BLOC1S3: variants seen among roughly 807,000 people sequenced by gnomAD.
The protein encoded by BLOC1S3 is biogenesis of lysosome-related organelles complex 1 subunit 3.
BLOC1S3 carries 7 observed loss-of-function variants against 9.1 expected under a neutral mutation model. That is an observed-to-expected ratio of 0.77 (90% CI 0.44 to 1.45). BLOC1S3 has a LOEUF of 1.45. BLOC1S3 is among the 40% of genes most tolerant of loss of function. The pLI, the probability that BLOC1S3 is intolerant of heterozygous loss-of-function variation, is 0.01. For missense variants in BLOC1S3, 307 were observed against 315.2 expected (o/e 0.97, Z 0.20); for synonymous variants, 145 against 158.4 (o/e 0.92, Z 0.64).
intron 2 of BLOC1S3, among the ~76,000 whole-genome samples, chr19:45,191,131 A>T (rs1206604959): frequency 5.6e-5 from 7 of 124,924 alleles, no homozygotes; most frequent in South Asian, 2.5e-4. Flanking sequence ...TTATTTTTTT[A>T]TTTTTTTTGA....
rs1969477022 is a variant in BLOC1S3, at chr19:45,179,514, C to T, written c.218C>T (p.Pro73Leu). Residue 73 changes from proline (P) to leucine (L), a missense_variant, in exon 2 of 2, where the codon CCG becomes CTG. By Grantham distance (98) the Pro-to-Leu change is moderately conservative (BLOSUM62 -3). Transcript: ENST00000433642. The surrounding 1 kb of genome is among the most constrained non-coding windows in gnomAD (Gnocchi z 4.6). ...TCGGAGCCGGAGCCGGAGCCGGAAC[C>T]GACGGCCGCGCCGAGGGACCTGCCT... ...TDSEPEPEPE[P>L]TAAPRDLPPL... 2 of 1,523,284 alleles carry T rather than the reference C, an allele frequency of 1.3e-6. No individual in the cohort carries two copies. The highest frequency in any genetic ancestry group is 1.2e-5 in the South Asian group (1 of 82,732). 94.4% of individuals were successfully genotyped at this position (1,523,284 alleles called of 1,614,324 possible).
At chr19:45,195,205 G>A (rs547841177) in intron 2 of BLOC1S3, among the ~76,000 whole-genome samples, 15 of 151,368 alleles carry the variant, frequency 9.9e-5, no homozygotes, top group African/African-American at 3.6e-4. Flanking sequence ...CACCGCGCCT[G>A]GCCAATTTTT....
rs749060610 is a variant in BLOC1S3, at chr19:45,213,145, C to T, written n.283-3531C>T. 26 of 1,584,954 alleles carry T rather than the reference C, an allele frequency of 1.6e-5. No homozygotes were observed. The South Asian group carries it at 1.9e-4, about 12-fold the overall frequency. On this transcript the variant is annotated intron_variant and non_coding_transcript_variant, in intron 3 of 3. Coordinates refer to the BLOC1S3 transcript ENST00000591569. ...ACAGGCCAAACTGGGCCTGGCCAGC[C>T]GGGAGAGGGGGAGGCGGCCCAGGAA...
At position 45,196,172 on chromosome 19, in the gene BLOC1S3, T is replaced by G. The variant is rs138184250; in HGVS notation, n.181-6234T>G. Among the ~76,000 whole-genome samples, 248 of 152,192 alleles carry G rather than the reference T, an allele frequency of 1.6e-3. 1 individual carries two copies. Among genetic ancestry groups the G allele is most frequent in the African/African-American group, 5.8e-3 (241 of 41,564 alleles). ...AGGGTGAGTACATTTTAAATTCTGT[T>G]AGGTGCTACTTTATTTTTTAATTTT... On this transcript the variant is annotated intron_variant and non_coding_transcript_variant, in intron 2 of 3. Transcript: ENST00000591569.
chr19:45,188,140 G>C (rs1290520202), intron 2 of BLOC1S3, among the ~76,000 whole-genome samples: 1 of 151,456 alleles, frequency 6.6e-6, no homozygotes, highest in Admixed American at 6.6e-5. Context: ...CTCCTGCCTC[G>C]GCCTCCCGAG....
At chr19:45,213,562 T>G (rs1200386727) in intron 3 of BLOC1S3, among the ~76,000 whole-genome samples, 2 of 151,858 alleles carry the variant, frequency 1.3e-5, no homozygotes, top group East Asian at 3.9e-4. Context: ...GAACTTCACT[T>G]CCAACCATCT....
At chr19:45,196,578 G>A (rs984186479) in intron 2 of BLOC1S3, among the ~76,000 whole-genome samples, 1 of 152,036 alleles carries the variant, frequency 6.6e-6, no homozygotes, top group Non-Finnish European at 1.5e-5. Flanking sequence ...GGGTCTTTGG[G>A]TAAGTGAGAG....
downstream of BLOC1S3, among the ~76,000 whole-genome samples, chr19:45,183,963 A>G (rs1969547565): frequency 1.3e-5 from 2 of 152,062 alleles, no homozygotes; most frequent in Non-Finnish European, 2.9e-5. Context: ...GAGTTTAGCG[A>G]GAGTCCCTGA....
downstream of BLOC1S3, among the ~76,000 whole-genome samples, chr19:45,186,414 C>T (rs960322361): frequency 2.0e-5 from 3 of 152,082 alleles, no homozygotes; most frequent in Admixed American, 6.6e-5. Flanking sequence ...CCTCCTACCT[C>T]GGCCTCCTAA....
At chr19:45,200,245 G>A (rs989189666) in intron 2 of BLOC1S3, among the ~76,000 whole-genome samples, 6 of 146,422 alleles carry the variant, frequency 4.1e-5, no homozygotes, top group African/African-American at 7.6e-5. Flanking sequence ...GCAGTGACAC[G>A]ATCTCCGCTC....
chr19:45,213,855 G>A (rs1394543262), intron 3 of BLOC1S3, among the ~76,000 whole-genome samples: 4 of 151,806 alleles, frequency 2.6e-5, no homozygotes, highest in Non-Finnish European at 4.4e-5. Flanking sequence ...TCAGGAGTCT[G>A]AGGCAAGAGA....
intron 2 of BLOC1S3, among the ~76,000 whole-genome samples, chr19:45,191,986 G>T (rs1006398876): frequency 3.3e-5 from 5 of 152,226 alleles, no homozygotes; most frequent in African/African-American, 1.2e-4. Context: ...GGCAAATCCA[G>T]CCAGGCTTGT....
rs149334137 is a variant in BLOC1S3, at chr19:45,191,543, T to C, written n.180+3803T>C. 3.9e-5 allele frequency among the ~76,000 whole-genome samples: 6 copies of C among 152,346 alleles called. No individual in the cohort carries two copies. In the East Asian group the frequency reaches 9.6e-4, roughly 24 times the overall value. ...TATTATAGTCTTCACAGTCTGGGCT[T>C]GTCTGTACTCATCCTTCTTTGGAAG... is the stretch of plus-strand genomic sequence containing the variant. On this transcript the variant is annotated intron_variant and non_coding_transcript_variant, in intron 2 of 3. Transcript: ENST00000591569.
chr19:45,190,495 G>T lies in BLOC1S3; in HGVS notation n.180+2755G>T, dbSNP rs141542547. The stretch of plus-strand genomic sequence containing the variant: ...GCTTACTGCAACCTCCACCTCCTGC[G>T]CTCTAACCATCCTCTCACCTTAGCC... On this transcript the variant is annotated intron_variant and non_coding_transcript_variant, in intron 2 of 3. Transcript: ENST00000591569. 1.2e-3 allele frequency among the ~76,000 whole-genome samples: 182 copies of T among 151,906 alleles called. 2 individuals are homozygous for T. Among genetic ancestry groups the T allele is most frequent in the Middle Eastern group, 6.8e-3 (2 of 294 alleles).
intron 3 of BLOC1S3, among the ~76,000 whole-genome samples, chr19:45,210,477 T>C (rs1475076807): frequency 6.6e-6 from 1 of 151,714 alleles, no homozygotes; most frequent in Non-Finnish European, 1.5e-5. Context: ...TTTTGAATTT[T>C]TAGTAGAGAT....
chr19:45,183,401 G>A (rs1231220022), downstream of BLOC1S3, among the ~76,000 whole-genome samples: 15 of 151,090 alleles, frequency 9.9e-5, no homozygotes, highest in Admixed American at 4.0e-4. Flanking sequence ...GCTTGAACCC[G>A]GGAGGCAGCA....
At chr19:45,211,688 G>T (rs1289497674) in intron 3 of BLOC1S3, among the ~76,000 whole-genome samples, 1 of 151,674 alleles carries the variant, frequency 6.6e-6, no homozygotes, top group Non-Finnish European at 1.5e-5. Flanking sequence ...CACAGCCTTG[G>T]GCTCCGAGAG....
At chr19:45,190,438 C>T (rs1452857124) in intron 2 of BLOC1S3, among the ~76,000 whole-genome samples, 1 of 151,790 alleles carries the variant, frequency 6.6e-6, no homozygotes, top group Admixed American at 6.6e-5. Context: ...CTGGCTCTAT[C>T]ACCCAGGCTG....
intron 3 of BLOC1S3, among the ~76,000 whole-genome samples, chr19:45,208,809 G>A (rs527936326): frequency 2.0e-5 from 3 of 149,776 alleles, no homozygotes; most frequent in Admixed American, 1.3e-4. Flanking sequence ...CCCAGAAGTC[G>A]AAGAAGAAAT....
Sources: allele counts gnomAD v4.1 joint callset (sites outside exome capture counted in the v4.1 genomes callset), GRCh38; gene constraint gnomAD v4.1.1; non-coding constraint Gnocchi (gnomAD v3.1); transcripts MANE v1.5; gene names NCBI Gene and HGNC (gene_info 2026-07-23, HGNC 2026-07-21).